TNR: variants seen among roughly 807,000 people sequenced by gnomAD.
TNR encodes tenascin-R.
TNR carries 45 observed loss-of-function variants against 150.4 expected under a neutral mutation model. The ratio of observed to expected loss-of-function variants is 0.30; its 90% CI spans 0.24 to 0.38. The LOEUF is 0.38. Ranked by LOEUF, TNR falls within the 10% of genes least tolerant of loss-of-function variation. The probability of loss-of-function intolerance (pLI) is 1.00; values close to 1 mark genes in which losing one functional copy is unlikely to be tolerated. For synonymous variants in TNR, 687 were observed against 678.4 expected, an observed-to-expected ratio of 1.01 and a Z score of -0.20; for missense variants, 1,544 against 1,759.1, an observed-to-expected ratio of 0.88 and a Z score of 2.19.
intron 2 of TNR, among the ~76,000 whole-genome samples, chr1:175,428,333 C>G (rs1209667416): frequency 6.6e-6 from 1 of 152,174 alleles, no homozygotes; most frequent in Non-Finnish European, 1.5e-5. Flanking sequence ...GCATCTCCTA[C>G]TCATGGCGTA....
intron 2 of TNR, among the ~76,000 whole-genome samples, chr1:175,461,611 C>T (rs984456866): frequency 2.6e-5 from 4 of 152,140 alleles, no homozygotes; most frequent in African/African-American, 4.8e-5. Context: ...TCTTTGGCTT[C>T]GATTTCTTTC....
chr1:175,593,746 G>A (rs935619093), intron 1 of TNR, among the ~76,000 whole-genome samples: 9 of 152,150 alleles, frequency 5.9e-5, no homozygotes. Flanking sequence ...GCACAGAGAA[G>A]ATGTTGTGGG....
chr1:175,468,837 C>G (rs986246209), intron 2 of TNR, among the ~76,000 whole-genome samples: 9 of 151,928 alleles, frequency 5.9e-5, no homozygotes, highest in African/African-American at 2.2e-4. Flanking sequence ...ACTTTTCTTT[C>G]AGTAGTAAAA....
At chr1:175,671,688 T>C (rs745911150) in intron 1 of TNR, among the ~76,000 whole-genome samples, 10 of 152,228 alleles carry the variant, frequency 6.6e-5, no homozygotes, top group Non-Finnish European at 1.5e-4. Flanking sequence ...GTATTCATTG[T>C]TTACTAAATT....
intron 1 of TNR, among the ~76,000 whole-genome samples, chr1:175,540,100 G>A (rs1377436556): frequency 6.6e-6 from 1 of 152,146 alleles, no homozygotes; most frequent in Non-Finnish European, 1.5e-5. Flanking sequence ...GAGGGAACTG[G>A]CACTGTTTTG....
chr1:175,660,838 T>G (rs1665346150), intron 1 of TNR, among the ~76,000 whole-genome samples: 1 of 152,168 alleles, frequency 6.6e-6, no homozygotes, highest in Non-Finnish European at 1.5e-5. Flanking sequence ...TCATCTCTAC[T>G]GACTCAGCAG....
Position 175,403,391 on chromosome 1 carries a change from C to CG in TNR, c.724dup (p.Arg242ProfsTer12). The CG allele has an allele frequency of 6.2e-7, 1 of 1,614,192 alleles. No individual in the cohort carries two copies. The highest frequency in any genetic ancestry group is 8.5e-7 in the Non-Finnish European group (1 of 1,180,036). On this transcript the variant is annotated frameshift_variant, in exon 4 of 23. Coordinates refer to ENST00000367674, the MANE Select transcript of TNR (RefSeq NM_003285.3). LOFTEE classifies it high-confidence loss of function. ...ACACTCCCCGTCCACGCAGAGCCCC[C>CG]GGGAGCTGCAGTCTGTTGGGCACCG...
intron 1 of TNR, among the ~76,000 whole-genome samples, chr1:175,583,448 C>T (rs772560157): frequency 8.5e-5 from 13 of 152,146 alleles, no homozygotes; most frequent in Admixed American, 3.9e-4. Context: ...AGAAGAGAGC[C>T]GGCTGCCAAG....
rs373431374 is a variant in TNR, at chr1:175,406,664, G to C, written c.51C>G (p.Ile17Met). The change falls in exon 3 of 23, where the codon ATC (isoleucine) becomes ATG (methionine). Residue 17 changes from isoleucine to methionine, a missense_variant. Ile to Met is a conservative substitution (Grantham distance 10). Transcript: ENST00000367674. The stretch of plus-strand genomic sequence containing the variant: ...TCATGGAGCCCAGAAGGATCAGGTT[G>C]ATGCCAATGAGCATGTTCTTCAGAA... Reference protein sequence around the residue: ...TVVLKNMLIGINLILLGSMIK... With the variant: ...TVVLKNMLIGMNLILLGSMIK... The C allele has an allele frequency of 1.7e-5, 27 of 1,614,078 alleles. No individual in the cohort carries two copies. Among genetic ancestry groups the C allele is most frequent in the Non-Finnish European group, 2.0e-5 (24 of 1,180,044 alleles).
intron 1 of TNR, among the ~76,000 whole-genome samples, chr1:175,622,987 C>A (rs1258617465): frequency 6.6e-6 from 1 of 152,184 alleles, no homozygotes; most frequent in Non-Finnish European, 1.5e-5. Context: ...TCCAGTATGA[C>A]CCCATCCTAA....
chr1:175,570,448 AG>A (rs1362642709), intron 1 of TNR, among the ~76,000 whole-genome samples: 2 of 152,140 alleles, frequency 1.3e-5, no homozygotes, highest in Non-Finnish European at 2.9e-5. Flanking sequence ...GTTCATGTGC[AG>A]GGTAGACATG....
At position 175,611,852 on chromosome 1, in the gene TNR, A is replaced by G. The variant is rs1571674646; in HGVS notation, c.-164-83483T>C. Among the ~76,000 whole-genome samples, 3 of 152,336 alleles carry G rather than the reference A, an allele frequency of 2.0e-5. No individual in the cohort carries two copies. The South Asian group carries it at 6.2e-4, about 32-fold the overall frequency. ...GACCTATAAAGTAATATAGCACAAC[A>G]TGATTAATCCTGTAATGGAGATATA... On this transcript the variant is annotated intron_variant, in intron 1 of 22. Coordinates refer to ENST00000367674, the MANE Select transcript of TNR (RefSeq NM_003285.3).
intron 8 of TNR, among the ~76,000 whole-genome samples, chr1:175,381,320 G>C (rs1050147062): frequency 6.6e-6 from 1 of 152,206 alleles, no homozygotes; most frequent in Non-Finnish European, 1.5e-5. Context: ...GGTTAAGGTT[G>C]AGACTTCTAC....
chr1:175,449,253 C>T (rs910456041), intron 2 of TNR, among the ~76,000 whole-genome samples: 1 of 152,214 alleles, frequency 6.6e-6, no homozygotes, highest in African/African-American at 2.4e-5. Context: ...CTCTGCTCCT[C>T]CTTTGTTCTC....
chr1:175,398,560 T>C (rs1653547476), intron 4 of TNR, among the ~76,000 whole-genome samples: 1 of 152,204 alleles, frequency 6.6e-6, no homozygotes, highest in African/African-American at 2.4e-5. Context: ...GTCAGGATTT[T>C]GCATGATTAT....
chr1:175,532,499 A>C (rs979830790), intron 1 of TNR, among the ~76,000 whole-genome samples: 1 of 152,218 alleles, frequency 6.6e-6, no homozygotes, highest in African/African-American at 2.4e-5. Flanking sequence ...TCTCTGACCC[A>C]CTGGTATTGG....
At chr1:175,593,951 C>T (rs1180325921) in intron 1 of TNR, among the ~76,000 whole-genome samples, 1 of 152,184 alleles carries the variant, frequency 6.6e-6, no homozygotes. Flanking sequence ...TTTCTGTGGT[C>T]ATTATTCACC....
At chr1:175,499,691 C>A (rs1658647422) in intron 2 of TNR, among the ~76,000 whole-genome samples, 1 of 152,200 alleles carries the variant, frequency 6.6e-6, no homozygotes, top group Admixed American at 6.5e-5. Flanking sequence ...TCAAAGTGCT[C>A]CCCTTATAGC....
Position 175,366,096 on chromosome 1 carries a change from T to G in TNR, c.2096A>C (p.Glu699Ala). Reference protein sequence around the residue: ...PRDLMVTASSETSISLIWTKA... With the variant: ...PRDLMVTASSATSISLIWTKA... ...GGTCCAGATGAGGGAGATGGAGGTC[T>G]CCGAGGAGGCTGTCACCATGAGGTC... The change falls in exon 11 of 23, where the codon GAG becomes GCG. Residue 699 changes from glutamate to alanine, a missense_variant. Physicochemically the swap from Glu to Ala is moderately radical, Grantham distance 107. Around this residue, in one of 2 missense-constraint regions of TNR, gnomAD observed 1,254 missense variants for 1,329.4 expected, o/e 0.94. Coordinates refer to ENST00000367674, the MANE Select transcript of TNR (RefSeq NM_003285.3). 1 of 1,613,108 alleles carries G rather than the reference T, an allele frequency of 6.2e-7. No individual in the cohort carries two copies. The highest frequency in any genetic ancestry group is 1.1e-5 in the South Asian group (1 of 90,908).
Sources: gnomAD v4.1 joint callset for allele counts (sites outside exome capture counted in the v4.1 genomes callset) on GRCh38, gnomAD v4.1.1 for gene constraint, gnomAD v4.1.1 regional missense constraint, MANE v1.5 for transcripts, NCBI Gene and HGNC (gene_info 2026-07-23, HGNC 2026-07-21) for gene names.